FAM43B: variants seen among roughly 807,000 people sequenced by gnomAD.
FAM43B encodes the protein protein FAM43B.
In FAM43B, 17 loss-of-function variants were observed where a neutral mutation model predicts 20.1. The observed-to-expected ratio is 0.84, with a 90% CI of 0.58 to 1.27. FAM43B has a LOEUF of 1.27. FAM43B is among the 50% of genes most tolerant of loss of function. FAM43B has a pLI of 0.00. For synonymous variants in FAM43B, 208 were observed against 238.5 expected (o/e 0.87, Z 1.18); for missense variants, 512 against 516.7 (o/e 0.99, Z 0.09).
Position 20,554,160 on chromosome 1 carries a change from TC to T in FAM43B, c.*201del. The T allele has an allele frequency of 3.8e-6, 2 of 523,414 alleles. No individual in the cohort carries two copies. The highest frequency in any genetic ancestry group is 5.7e-6 in the Non-Finnish European group (2 of 351,852). The allele number at this position is 523,414 out of a possible 1,614,324, so 32.4% of individuals were successfully genotyped here. On this transcript the variant is annotated 3_prime_UTR_variant, in exon 1 of 1. Coordinates refer to ENST00000332947, the MANE Select transcript of FAM43B (RefSeq NM_207334.3). ...TTGGTTATTGGGGGGTGTTCCTCTCTCCCCACACCCGGAGTTTCCCGGGCCT... is the reference window on the plus strand; with the variant it reads ...TTGGTTATTGGGGGGTGTTCCTCTCTCCCACACCCGGAGTTTCCCGGGCCT...
Position 20,553,510 on chromosome 1 carries a change from G to A in FAM43B, c.537G>A (p.Val179=). ...CCGTGGTGCTGCGCTGCCACGCTGT[G>A]CTGCTGGCGCGGGCGCACAAGGCGC... ...HKAVVLRCHA[V]LLARAHKARA... is the part of the protein sequence containing the mutation. Residue 179 remains valine (V), a synonymous_variant, in exon 1 of 1, where the codon GTG becomes GTA. Transcript: ENST00000332947. This position sits in a 1 kb window ranked among gnomAD's most constrained non-coding sequence, Gnocchi z 6.5. 7.4e-7 allele frequency: 1 copy of A among 1,349,580 alleles called. No homozygotes were observed. The highest frequency in any genetic ancestry group is 9.5e-7 in the Non-Finnish European group (1 of 1,057,798). 83.6% of individuals were successfully genotyped at this position (1,349,580 alleles called of 1,614,324 possible). A position where few individuals can be genotyped will look rare whatever the true frequency, so the allele number is the denominator to read the frequency against.
chr1:20,553,547 C>A lies in FAM43B; in HGVS notation c.574C>A (p.Arg192Ser), dbSNP rs2052155964. ...ARAHKARALA[R>S]LLRQTALAAF... ...GGCGCACAAGGCGCGCGCCCTGGCCCGCCTGCTCCGCCAGACCGCGCTGGC... is the reference window on the plus strand; with the variant it reads ...GGCGCACAAGGCGCGCGCCCTGGCCAGCCTGCTCCGCCAGACCGCGCTGGC... Residue 192 changes from arginine (R) to serine (S), a missense_variant, in exon 1 of 1, where the codon CGC (arginine) becomes AGC (serine). Transcript: ENST00000332947. The surrounding 1 kb of genome is among the most constrained non-coding windows in gnomAD (Gnocchi z 6.5). 4 of 1,307,394 alleles carry A rather than the reference C, an allele frequency of 3.1e-6. No individual in the cohort carries two copies. The highest frequency in any genetic ancestry group is 4.0e-5 in the Admixed American group (1 of 24,742). 81.0% of individuals were successfully genotyped at this position (1,307,394 alleles called of 1,614,324 possible).
rs1360175074 is a variant in FAM43B, at chr1:20,553,982, C to G, written c.*19C>G. 8.2e-7 allele frequency: 1 copy of G among 1,214,540 alleles called. No homozygotes were observed. The highest frequency in any genetic ancestry group is 1.6e-5 in the African/African-American group (1 of 63,196). The allele number at this position is 1,214,540 out of a possible 1,614,324, so 75.2% of individuals were successfully genotyped here. On this transcript the variant is annotated 3_prime_UTR_variant, in exon 1 of 1. Coordinates refer to ENST00000332947, the MANE Select transcript of FAM43B (RefSeq NM_207334.3). The surrounding 1 kb of genome is among the most constrained non-coding windows in gnomAD (Gnocchi z 6.5). Reference sequence around the variant, plus strand: ...GCGCTGAGAGCCGAAGGACAGGACTCGCAGCCCCAGGCCCGACCCGCCAGA... The same window carrying G: ...GCGCTGAGAGCCGAAGGACAGGACTGGCAGCCCCAGGCCCGACCCGCCAGA...
At position 20,554,731 on chromosome 1, in the gene FAM43B, C is replaced by T. The variant is rs2052178170; in HGVS notation, c.*768C>T. 1 of 167,120 alleles carries T rather than the reference C, an allele frequency of 6.0e-6. No individual in the cohort carries two copies. Among genetic ancestry groups the T allele is most frequent in the Non-Finnish European group, 1.5e-5 (1 of 68,142 alleles). 10.4% of individuals were successfully genotyped at this position (167,120 alleles called of 1,614,324 possible). ...CCTCCTAGGTGCCCCACAACCAGGA[C>T]CAAGATGGGGCTCCCAAAGGAGGTA... On this transcript the variant is annotated 3_prime_UTR_variant, in exon 1 of 1. Coordinates refer to ENST00000332947, the MANE Select transcript of FAM43B (RefSeq NM_207334.3).
rs778594166 is a variant in FAM43B at position 20,553,331 on chromosome 1, C to G, written c.358C>G (p.Arg120Gly). 6.5e-6 allele frequency: 10 copies of G among 1,539,096 alleles called. No individual in the cohort carries two copies. The Admixed American group carries it at 2.0e-4, about 30-fold the overall frequency. ...MKLTLGPHGI[R>G]MQPCERSAAG... ...GCTGACGCTGGGGCCGCACGGCATC[C>G]GCATGCAGCCGTGCGAGCGCAGCGC... The change falls in exon 1 of 1, where the codon CGC (arginine) becomes GGC (glycine). Residue 120 changes from arginine to glycine, a missense_variant. Physicochemically the swap from Arg to Gly is moderately radical, Grantham distance 125. Coordinates refer to ENST00000332947, the MANE Select transcript of FAM43B (RefSeq NM_207334.3). This position sits in a 1 kb window ranked among gnomAD's most constrained non-coding sequence, Gnocchi z 6.5.
chr1:20,553,236 A>G lies in FAM43B; in HGVS notation c.263A>G (p.Asp88Gly). 6.2e-7 allele frequency: 1 copy of G among 1,613,124 alleles called. No individual in the cohort carries two copies. The highest frequency in any genetic ancestry group is 8.5e-7 in the Non-Finnish European group (1 of 1,179,794). The stretch of plus-strand genomic sequence containing the variant: ...GCCGTCACCCTGCACGCCAAGGGCG[A>G]CGGCTGCACCGACGACGCCGTGGGC... ...GNAVTLHAKG[D>G]GCTDDAVGKI... Residue 88 changes from aspartate to glycine, a missense_variant, in exon 1 of 1, where the codon GAC becomes GGC. Transcript: ENST00000332947. The surrounding 1 kb of genome is among the most constrained non-coding windows in gnomAD (Gnocchi z 6.5).
rs752556322 is a variant in FAM43B at position 20,553,005 on chromosome 1, T to G, written c.32T>G (p.Leu11Arg). 6.2e-7 allele frequency: 1 copy of G among 1,613,578 alleles called. No homozygotes were observed. Among genetic ancestry groups the G allele is most frequent in the Non-Finnish European group, 8.5e-7 (1 of 1,179,884 alleles). Reference sequence around the variant, plus strand: ...CCCTGGAGACGTAACAAATTCGTGCTGGTGGAGGACGAGGCCAAGTGCAAG... The same window carrying G: ...CCCTGGAGACGTAACAAATTCGTGCGGGTGGAGGACGAGGCCAAGTGCAAG... The part of the protein sequence containing the change: MLPWRRNKFV[L>R]VEDEAKCKAK... Residue 11 changes from leucine (L) to arginine (R), a missense_variant, in exon 1 of 1, where the codon CTG (leucine) becomes CGG (arginine). By Grantham distance (102) the Leu-to-Arg change is moderately radical. Coordinates refer to ENST00000332947, the MANE Select transcript of FAM43B (RefSeq NM_207334.3). The surrounding 1 kb of genome is among the most constrained non-coding windows in gnomAD (Gnocchi z 6.5).
At position 20,552,798 on chromosome 1, in the gene FAM43B, A is replaced by C; in HGVS notation, c.-176A>C. The C allele has an allele frequency of 1.3e-6, 1 of 758,896 alleles. No homozygotes were observed. 47.0% of individuals were successfully genotyped at this position (758,896 alleles called of 1,614,324 possible). On this transcript the variant is annotated 5_prime_UTR_variant, in exon 1 of 1. Coordinates refer to ENST00000332947, the MANE Select transcript of FAM43B (RefSeq NM_207334.3). ...CTGCTGGCCCGGCTGGGCACCGGGCATCTGCGAAGCTAGCCCTGCCTGGCA... is the reference window on the plus strand; with the variant it reads ...CTGCTGGCCCGGCTGGGCACCGGGCCTCTGCGAAGCTAGCCCTGCCTGGCA...
chr1:20,553,691 C>T lies in FAM43B; in HGVS notation c.718C>T (p.Leu240Phe). The T allele has an allele frequency of 7.0e-7, 1 of 1,435,610 alleles. No individual in the cohort carries two copies. Among genetic ancestry groups the T allele is most frequent in the Non-Finnish European group, 9.2e-7 (1 of 1,091,784 alleles). 88.9% of individuals were successfully genotyped at this position (1,435,610 alleles called of 1,614,324 possible). ...GCCCCGCGCCCCACTGCGCCGCCTG[C>T]TCAATGCCAAGTGCGCCTACCGGCC... Reference protein sequence around the residue: ...SVPRAPLRRLLNAKCAYRPPP... With the variant: ...SVPRAPLRRLFNAKCAYRPPP... The change falls in exon 1 of 1, where the codon CTC becomes TTC. Residue 240 changes from leucine (L) to phenylalanine (F), a missense_variant. Physicochemically the swap from Leu to Phe is conservative, Grantham distance 22. Transcript: ENST00000332947. The surrounding 1 kb of genome is among the most constrained non-coding windows in gnomAD (Gnocchi z 6.5).
At position 20,554,211 on chromosome 1, in the gene FAM43B, C is replaced by G. The variant is rs773450323; in HGVS notation, c.*248C>G. 1.6e-4 allele frequency: 48 copies of G among 299,886 alleles called. No homozygotes were observed. The highest frequency in any genetic ancestry group is 2.6e-4 in the Non-Finnish European group (41 of 157,346). 18.6% of individuals were successfully genotyped at this position (299,886 alleles called of 1,614,324 possible). A position where few individuals can be genotyped will look rare whatever the true frequency, so the allele number is the denominator to read the frequency against. On this transcript the variant is annotated 3_prime_UTR_variant, in exon 1 of 1. Transcript: ENST00000332947. ...TGCCATTGTGGACCCGCCCCCTATG[C>G]TTTACACCTAGTCTCTTTGCCCACA...
At position 20,553,033 on chromosome 1, in the gene FAM43B, G is replaced by T. The variant is rs757258379; in HGVS notation, c.60G>T (p.Ala20=). 30 of 1,613,496 alleles carry T rather than the reference G, an allele frequency of 1.9e-5. No individual in the cohort carries two copies. The highest frequency in any genetic ancestry group is 2.4e-5 in the Non-Finnish European group (28 of 1,179,886). ...TGGAGGACGAGGCCAAGTGCAAGGC[G>T]AAGAGCCTGAGTCCGGGGCTCGCCT... The part of the protein sequence containing the change: ...VLVEDEAKCK[A]KSLSPGLAYT... Residue 20 remains alanine (A), a synonymous_variant, in exon 1 of 1, where the codon GCG becomes GCT. Coordinates refer to ENST00000332947, the MANE Select transcript of FAM43B (RefSeq NM_207334.3). This position sits in a 1 kb window ranked among gnomAD's most constrained non-coding sequence, Gnocchi z 6.5.
Position 20,553,050 on chromosome 1 carries a change from G to A in FAM43B, c.77G>A (p.Gly26Glu). ...TGCAAGGCGAAGAGCCTGAGTCCGG[G>A]GCTCGCCTACACGTCGCTGCTCTCC... ...AKCKAKSLSP[G>E]LAYTSLLSSF... is the part of the protein sequence containing the mutation. Residue 26 changes from glycine (G) to glutamate (E), a missense_variant, in exon 1 of 1, where the codon GGG becomes GAG. Coordinates refer to ENST00000332947, the MANE Select transcript of FAM43B (RefSeq NM_207334.3). This position sits in a 1 kb window ranked among gnomAD's most constrained non-coding sequence, Gnocchi z 6.5. The A allele has an allele frequency of 6.2e-7, 1 of 1,613,452 alleles. No individual in the cohort carries two copies. The highest frequency in any genetic ancestry group is 8.5e-7 in the Non-Finnish European group (1 of 1,179,868).
At position 20,552,777 on chromosome 1, in the gene FAM43B, T is replaced by C. The variant is rs1488519396; in HGVS notation, c.-197T>C. 2 of 669,824 alleles carry C rather than the reference T, an allele frequency of 3.0e-6. No homozygotes were observed. The highest frequency in any genetic ancestry group is 5.0e-6 in the Non-Finnish European group (2 of 403,914). The allele number at this position is 669,824 out of a possible 1,614,324, so 41.5% of individuals were successfully genotyped here. On this transcript the variant is annotated 5_prime_UTR_variant, in exon 1 of 1. Transcript: ENST00000332947. ...CGGCCGCCGTCCGCACCTCGGCTGC[T>C]GGCCCGGCTGGGCACCGGGCATCTG...
At position 20,553,234 on chromosome 1, in the gene FAM43B, C is replaced by T. The variant is rs2052151395; in HGVS notation, c.261C>T (p.Gly87=). The T allele has an allele frequency of 3.1e-6, 5 of 1,613,224 alleles. No individual in the cohort carries two copies. Among genetic ancestry groups the T allele is most frequent in the African/African-American group, 2.7e-5 (2 of 75,056 alleles). ...ACGCCGTCACCCTGCACGCCAAGGG[C>T]GACGGCTGCACCGACGACGCCGTGG... The part of the protein sequence containing the change: ...LGNAVTLHAK[G]DGCTDDAVGK... Residue 87 remains glycine, a synonymous_variant, in exon 1 of 1, where the codon GGC becomes GGT. Coordinates refer to ENST00000332947, the MANE Select transcript of FAM43B (RefSeq NM_207334.3). The surrounding 1 kb of genome is among the most constrained non-coding windows in gnomAD (Gnocchi z 6.5).
In FAM43B at chr1:20,553,110, A is replaced by C. The variant is rs754060811; in HGVS notation, c.137A>C (p.Asp46Ala). The C allele has an allele frequency of 6.2e-7, 1 of 1,613,300 alleles. No individual in the cohort carries two copies. The highest frequency in any genetic ancestry group is 1.3e-5 in the African/African-American group (1 of 75,028). The change falls in exon 1 of 1, where the codon GAC becomes GCC. Residue 46 changes from aspartate (D) to alanine (A), a missense_variant. Coordinates refer to ENST00000332947, the MANE Select transcript of FAM43B (RefSeq NM_207334.3). This position sits in a 1 kb window ranked among gnomAD's most constrained non-coding sequence, Gnocchi z 6.5. The part of the protein sequence containing the change: ...FLRSCPDLLP[D>A]WPLERLGRVF... ...CGCTCCTGCCCGGACCTGCTGCCCG[A>C]CTGGCCGCTGGAGCGCTTGGGCCGT...
chr1:20,554,093 C>A lies in FAM43B; in HGVS notation c.*130C>A. ...CCCCCGTGGTCTCCGTGTTGTCCGC[C>A]CCGCCGCCTCATTTTGGCTCAGGGT... On this transcript the variant is annotated 3_prime_UTR_variant, in exon 1 of 1. Transcript: ENST00000332947. 9.2e-7 allele frequency: 1 copy of A among 1,081,552 alleles called. No homozygotes were observed. Among genetic ancestry groups the A allele is most frequent in the Non-Finnish European group, 1.2e-6 (1 of 857,080 alleles). The allele number at this position is 1,081,552 out of a possible 1,614,324, so 67.0% of individuals were successfully genotyped here. A position where few individuals can be genotyped will look rare whatever the true frequency, so the allele number is the denominator to read the frequency against.
chr1:20,553,873 C>T lies in FAM43B; in HGVS notation c.900C>T (p.Cys300=). 7.3e-7 allele frequency: 1 copy of T among 1,368,472 alleles called. No individual in the cohort carries two copies. The allele number at this position is 1,368,472 out of a possible 1,614,324, so 84.8% of individuals were successfully genotyped here. A position where few individuals can be genotyped will look rare whatever the true frequency, so the allele number is the denominator to read the frequency against. Reference sequence around the variant, plus strand: ...GCCTGGCCCGGGAGCTGAGGACGTGCAGCCTGCGGGGCGCCCCGGCGCCCC... The same window carrying T: ...GCCTGGCCCGGGAGCTGAGGACGTGTAGCCTGCGGGGCGCCCCGGCGCCCC... ...VLSLARELRT[C]SLRGAPAPPP... The change falls in exon 1 of 1, where the codon TGC becomes TGT. Residue 300 remains cysteine (C), a synonymous_variant. Coordinates refer to ENST00000332947, the MANE Select transcript of FAM43B (RefSeq NM_207334.3). This position sits in a 1 kb window ranked among gnomAD's most constrained non-coding sequence, Gnocchi z 6.5.
Position 20,553,882 on chromosome 1 carries a change from G to T in FAM43B, c.909G>T (p.Arg303=), listed in dbSNP as rs771132442. Residue 303 remains arginine (R), a synonymous_variant, in exon 1 of 1, where the codon CGG becomes CGT. Transcript: ENST00000332947. The surrounding 1 kb of genome is among the most constrained non-coding windows in gnomAD (Gnocchi z 6.5). ...GGGAGCTGAGGACGTGCAGCCTGCG[G>T]GGCGCCCCGGCGCCCCCGCCGCCCG... ...LARELRTCSL[R]GAPAPPPPAQ... 7.6e-7 allele frequency: 1 copy of T among 1,320,264 alleles called. No individual in the cohort carries two copies. Among genetic ancestry groups the T allele is most frequent in the Non-Finnish European group, 9.7e-7 (1 of 1,034,380 alleles). 81.8% of individuals were successfully genotyped at this position (1,320,264 alleles called of 1,614,324 possible). A position where few individuals can be genotyped will look rare whatever the true frequency, so the allele number is the denominator to read the frequency against.
Position 20,553,775 on chromosome 1 carries a change from G to A in FAM43B, c.802G>A (p.Glu268Lys), listed in dbSNP as rs2052160077. 5 of 1,362,058 alleles carry A rather than the reference G, an allele frequency of 3.7e-6. No homozygotes were observed. Among genetic ancestry groups the A allele is most frequent in the Non-Finnish European group, 4.8e-6 (5 of 1,044,618 alleles). The allele number at this position is 1,362,058 out of a possible 1,614,324, so 84.4% of individuals were successfully genotyped here. ...CCTCAGCAGCATCCAGGAGGAGGAC[G>A]AGGAGGAGGAGGAGGACGACGCGGA... ...PRLSSIQEED[E>K]EEEEDDAEEQ... The change falls in exon 1 of 1, where the codon GAG becomes AAG. Residue 268 changes from glutamate to lysine, a missense_variant. Glu to Lys is a moderately conservative substitution (Grantham distance 56, BLOSUM62 1). Transcript: ENST00000332947. This position sits in a 1 kb window ranked among gnomAD's most constrained non-coding sequence, Gnocchi z 6.5.
Sources: gnomAD v4.1 joint callset for allele counts on GRCh38, gnomAD v4.1.1 for gene constraint, Gnocchi (gnomAD v3.1) non-coding constraint, MANE v1.5 for transcripts, NCBI Gene and HGNC (gene_info 2026-07-23, HGNC 2026-07-21) for gene names.